The following HIRA variants were observed in gnomAD, a reference collection of about 807,000 sequenced individuals.
HIRA encodes protein HIRA.
Under a neutral mutation model 126.6 loss-of-function variants are expected in HIRA, and 13 were observed. That is an observed-to-expected ratio of 0.10 (90% CI 0.07 to 0.16). The LOEUF (loss-of-function observed/expected upper bound fraction) is 0.16. Among genes scored for constraint, HIRA ranks in the 10% least tolerant of loss-of-function variants. The pLI is 1.00. For synonymous variants in HIRA, 511 were observed against 520.0 expected (o/e 0.98, Z 0.24); for missense variants, 834 against 1,314.4 (o/e 0.63, Z 5.65).
chr22:19,364,569 C>T (rs2088895033), intron 15 of HIRA, among the ~76,000 whole-genome samples: 1 of 152,118 alleles, frequency 6.6e-6, no homozygotes, highest in South Asian at 2.1e-4. Flanking sequence ...TGGTGATCTG[C>T]CATTAGTGAT....
At chr22:19,341,014 TA>T (rs1345264313) in intron 24 of HIRA, among the ~76,000 whole-genome samples, 1 of 152,134 alleles carries the variant, frequency 6.6e-6, no homozygotes, top group Non-Finnish European at 1.5e-5. Flanking sequence ...AAAACAACCC[TA>T]AAATTCACAA....
At chr22:19,376,823 G>T (rs2089023285) in intron 14 of HIRA, among the ~76,000 whole-genome samples, 1 of 152,182 alleles carries the variant, frequency 6.6e-6, no homozygotes, top group Admixed American at 6.5e-5. Flanking sequence ...CAGAAGCAGG[G>T]GGCTGCAGTA....
In HIRA at chr22:19,353,453, G is replaced by T. The variant is rs781869441; in HGVS notation, c.2751C>A (p.Ala917=). The change falls in exon 23 of 25, where the codon GCC becomes GCA. Residue 917 remains alanine, a synonymous_variant. Coordinates refer to ENST00000263208, the MANE Select transcript of HIRA (RefSeq NM_003325.4). ...CTGCTGCCACCTGGTTCTCTAGGTA[G>T]GCCAGGGTGGTCTCTTGCTGCACCA... ...PHVVQQETTL[A]YLENQVAAAL... The T allele has an allele frequency of 6.2e-7, 1 of 1,613,028 alleles. No individual in the cohort carries two copies. The highest frequency in any genetic ancestry group is 2.2e-5 in the East Asian group (1 of 44,870).
chr22:19,402,239 A>G (rs949260501), intron 5 of HIRA, among the ~76,000 whole-genome samples: 1 of 152,238 alleles, frequency 6.6e-6, no homozygotes, highest in African/African-American at 2.4e-5. Context: ...CAGGCACTCA[A>G]TAAATGTTTG....
intron 1 of HIRA, 80 bp downstream of exon 1, chr22:19,431,360 G>A: frequency 1.4e-6 from 2 of 1,480,650 alleles, no homozygotes; most frequent in Middle Eastern, 1.7e-4. Flanking sequence ...AGACAGGCAG[G>A]ACTTGCGCGC....
intron 2 of HIRA, among the ~76,000 whole-genome samples, chr22:19,408,987 G>A (rs1363213474): frequency 6.6e-6 from 1 of 152,162 alleles, no homozygotes; most frequent in African/African-American, 2.4e-5. Flanking sequence ...GAAAGTCAAT[G>A]TCATAAGACC....
chr22:19,363,236 AAAAAAAAC>A (rs1469184921), intron 15 of HIRA, among the ~76,000 whole-genome samples: 18 of 151,676 alleles, frequency 1.2e-4, no homozygotes, highest in African/African-American at 4.4e-4. Flanking sequence ...CCGTCTCAAA[AAAAAAAAC>A]AAAAAAAACA....
intron 1 of HIRA, among the ~76,000 whole-genome samples, chr22:19,413,830 T>G (rs2089373828): frequency 6.6e-6 from 1 of 152,026 alleles, no homozygotes; most frequent in Non-Finnish European, 1.5e-5. Flanking sequence ...CAGGATGGTC[T>G]CGATCTCCTG....
intron 2 of HIRA, among the ~76,000 whole-genome samples, 165 bp from the exon 3 acceptor site, chr22:19,408,758 AGAT>A (rs1461775100): frequency 6.6e-6 from 1 of 152,242 alleles, no homozygotes. Flanking sequence ...GTTACAGAAA[AGAT>A]GATAAGTACT....
rs2089316965 is a variant in HIRA at position 19,407,411 on chromosome 22, C to T, written c.212-137G>A. 6 of 658,230 alleles carry T rather than the reference C, an allele frequency of 9.1e-6. 1 individual carries two copies. In the South Asian group the frequency reaches 1.1e-4, roughly 12 times the overall value. 40.8% of individuals were successfully genotyped at this position (658,230 alleles called of 1,614,324 possible). A position where few individuals can be genotyped will look rare whatever the true frequency, so the allele number is the denominator to read the frequency against. The stretch of plus-strand genomic sequence containing the variant: ...TTAAGGCATCTACTGTGTGAGAGCC[C>T]CAGAAAAACAATTCAGTTTAAGCAC... On this transcript the variant is annotated intron_variant, in intron 3 of 24. Coordinates refer to ENST00000263208, the MANE Select transcript of HIRA (RefSeq NM_003325.4).
chr22:19,395,553 G>C (rs370439963), intron 7 of HIRA, among the ~76,000 whole-genome samples: 1 of 152,230 alleles, frequency 6.6e-6, no homozygotes, highest in African/African-American at 2.4e-5. Context: ...ACCTAGCCCA[G>C]GAGCTGGTGT....
At chr22:19,430,772 G>A (rs970632083) in intron 1 of HIRA, among the ~76,000 whole-genome samples, 1 of 152,166 alleles carries the variant, frequency 6.6e-6, no homozygotes, top group African/African-American at 2.4e-5. Context: ...CAAGATATGG[G>A]GTGGATGAGT....
At chr22:19,332,330 C>T (rs981368449) in intron 24 of HIRA, among the ~76,000 whole-genome samples, 1 of 152,144 alleles carries the variant, frequency 6.6e-6, no homozygotes, top group African/African-American at 2.4e-5. Flanking sequence ...GTTTGAGTAA[C>T]ACAGAAGTTG....
At chr22:19,372,109 GC>G (rs2088971885) in intron 15 of HIRA, among the ~76,000 whole-genome samples, 1 of 152,208 alleles carries the variant, frequency 6.6e-6, no homozygotes, top group Non-Finnish European at 1.5e-5. Flanking sequence ...TCCCTTTAGA[GC>G]TAATTTTTGT....
chr22:19,353,929 T>G (rs1353338703), intron 22 of HIRA, 67 bp downstream of exon 22: 1 of 1,573,024 alleles, frequency 6.4e-7, no homozygotes, highest in Non-Finnish European at 8.7e-7. Context: ...GGACTGTGCG[T>G]GCACTGACCC....
rs1197118864 is a variant in HIRA at position 19,397,221 on chromosome 22, T to C, written c.494-274A>G. On this transcript the variant is annotated intron_variant, in intron 6 of 24. Transcript: ENST00000263208. ...CGGCCCTGCCTATGGCTGCCCTTCC[T>C]GGGCTGTGACACCAGCACTTCTGAC... 2.6e-5 allele frequency among the ~76,000 whole-genome samples: 4 copies of C among 152,200 alleles called. No homozygotes were observed. In the East Asian group the frequency reaches 5.8e-4, roughly 22 times the overall value.
At chr22:19,429,087 A>G (rs1052689294) in intron 1 of HIRA, among the ~76,000 whole-genome samples, 2 of 151,926 alleles carry the variant, frequency 1.3e-5, no homozygotes, top group African/African-American at 4.8e-5. Flanking sequence ...TTAACAAAGA[A>G]CAAGTTTAAA....
intron 15 of HIRA, among the ~76,000 whole-genome samples, chr22:19,364,398 G>A (rs1286509613): frequency 6.6e-6 from 1 of 152,182 alleles, no homozygotes; most frequent in Admixed American, 6.5e-5. Flanking sequence ...GCTTCGCAGA[G>A]ACTATGTTTT....
chr22:19,406,212 A>G (rs532246552), intron 4 of HIRA, among the ~76,000 whole-genome samples: 1 of 152,370 alleles, frequency 6.6e-6, no homozygotes, highest in South Asian at 2.1e-4. Context: ...TGGAAAATGG[A>G]TTAGAAGGAC....
Sources: gnomAD v4.1 joint callset for allele counts (sites outside exome capture counted in the v4.1 genomes callset) on GRCh38, gnomAD v4.1.1 for gene constraint, MANE v1.5 for transcripts, NCBI Gene and HGNC (gene_info 2026-07-23, HGNC 2026-07-21) for gene names.